BCORL1: variants seen among roughly 807,000 people sequenced by gnomAD.
BCORL1 encodes BCL-6 corepressor-like protein 1.
A neutral mutation model predicts 87.6 loss-of-function variants in BCORL1; 7 were observed. The observed-to-expected ratio is 0.08, with a 90% CI of 0.05 to 0.15. The LOEUF (loss-of-function observed/expected upper bound fraction) is 0.15, where lower values mean the gene tolerates loss of function less well. Ranked by LOEUF, BCORL1 falls within the 10% of genes least tolerant of loss-of-function variation. BCORL1 has a pLI of 1.00. For synonymous variants in BCORL1, 591 were observed against 634.4 expected (o/e 0.93, Z 1.03); for missense variants, 1,215 against 1,499.7 (o/e 0.81, Z 3.13).
At chrX:129,995,945 T>A in intron 1 of BCORL1, among the ~76,000 whole-genome samples, 1 of 111,627 alleles carries the variant, frequency 9.0e-6, no homozygotes. Context: ...TGTGTACATT[T>A]TCCTATGGAA....
At chrX:130,003,944 T>C (rs1928268904) in intron 1 of BCORL1, among the ~76,000 whole-genome samples, 2 of 111,948 alleles carry the variant, frequency 1.8e-5, no homozygotes, top group South Asian at 7.3e-4. Flanking sequence ...CGTACAACTA[T>C]ATCTTATTGT....
At position 129,986,523 on chromosome X, in the gene BCORL1, A is replaced by T. The variant is rs1926633721; in HGVS notation, c.-45+3761A>T. On this transcript the variant is annotated intron_variant, in intron 1 of 13. Transcript: ENST00000540052. ...GCTTCATTTATGATGCAGTTCATGA[A>T]ATAGAAAAAAATGGGCCGGGTGCAG... Among the ~76,000 whole-genome samples, 6 of 112,276 alleles carry T rather than the reference A, an allele frequency of 5.3e-5. No homozygotes were observed. The South Asian group carries it at 1.8e-3, about 34-fold the overall frequency.
At chrX:130,055,622 A>G (rs1272592215) in intron 13 of BCORL1, among the ~76,000 whole-genome samples, 1 of 112,834 alleles carries the variant, frequency 8.9e-6, no homozygotes, top group Non-Finnish European at 1.9e-5. Context: ...CGTGCTCACC[A>G]TTTAGCTGAA....
intron 5 of BCORL1, among the ~76,000 whole-genome samples, 187 bp from the exon 6 acceptor site, chrX:130,022,710 T>C (rs1420909332): frequency 8.9e-6 from 1 of 112,308 alleles, no homozygotes; most frequent in Non-Finnish European, 1.9e-5. Context: ...GAAACACTCA[T>C]TGTCTACAAG....
At chrX:130,026,193 C>G (rs1930234186) in intron 7 of BCORL1, among the ~76,000 whole-genome samples, 1 of 112,010 alleles carries the variant, frequency 8.9e-6, no homozygotes, top group African/African-American at 3.2e-5. Context: ...TGACCTCTAC[C>G]CTGGAAGCAG....
Position 130,034,451 on chromosome X carries a change from C to T in BCORL1, c.4306-4C>T, listed in dbSNP as rs183320708. The T allele has an allele frequency of 7.9e-4, 777 of 980,164 alleles. No homozygotes were observed. The highest frequency in any genetic ancestry group is 1.0e-3 in the Non-Finnish European group (753 of 754,927). 80.8% of individuals were successfully genotyped at this position (980,164 alleles called of 1,213,427 possible). ...TGACCTAGGACTGCATCTCTGCTTT[C>T]CAGGGCAAAGGTCGTTGGAGCCAGC... On this transcript the variant is annotated splice_polypyrimidine_tract_variant and splice_region_variant and intron_variant, in intron 8 of 13. Transcript: ENST00000540052.
rs1476942233 is a variant in BCORL1, at chrX:130,021,081, C to T, written c.3538C>T (p.His1180Tyr). 6.7e-6 allele frequency: 8 copies of T among 1,201,002 alleles called. No homozygotes were observed. The highest frequency in any genetic ancestry group is 2.3e-4 in the Middle Eastern group (1 of 4,316). Residue 1180 changes from histidine to tyrosine, a missense_variant, in exon 5 of 14, where the codon CAC (histidine) becomes TAC (tyrosine). Coordinates refer to ENST00000540052, the MANE Select transcript of BCORL1 (RefSeq NM_001379451.1). The part of the protein sequence containing the change: ...GKEHNGVRGK[H>Y]KHRKPTKPES... Reference sequence around the variant, plus strand: ...AGAGCACAATGGAGTCAGGGGAAAGCACAAGCACCGGAAGCCGACAAAGCC... The same window carrying T: ...AGAGCACAATGGAGTCAGGGGAAAGTACAAGCACCGGAAGCCGACAAAGCC...
At position 130,025,302 on chromosome X, in the gene BCORL1, G is replaced by C. The variant is rs143797443; in HGVS notation, c.4001G>C (p.Arg1334Pro). 8.3e-7 allele frequency: 1 copy of C among 1,198,198 alleles called. No homozygotes were observed. The highest frequency in any genetic ancestry group is 1.1e-6 in the Non-Finnish European group (1 of 889,796). The change falls in exon 7 of 14, where the codon CGG (arginine) becomes CCG (proline). Residue 1334 changes from arginine to proline, a missense_variant. Arg to Pro is a moderately radical substitution (Grantham distance 103, BLOSUM62 -2). Coordinates refer to ENST00000540052, the MANE Select transcript of BCORL1 (RefSeq NM_001379451.1). ...EGLLKRKKRR[R>P]QKSRKYQTGE... ...CTGCTGAAGAGGAAGAAACGAAGACGGCAGAAGAGCCGAAAATATCAGACT... is the reference window on the plus strand; with the variant it reads ...CTGCTGAAGAGGAAGAAACGAAGACCGCAGAAGAGCCGAAAATATCAGACT...
At chrX:129,983,046 C>T (rs1337820520) in intron 1 of BCORL1, among the ~76,000 whole-genome samples, 1 of 110,053 alleles carries the variant, frequency 9.1e-6, no homozygotes, top group Non-Finnish European at 1.9e-5. Context: ...GGGGCGCCGT[C>T]CTCTTCGTGT....
At position 130,036,262 on chromosome X, in the gene BCORL1, C is replaced by CT. The variant is rs747499783; in HGVS notation, c.4528-1090dup. Among the ~76,000 whole-genome samples, 730 of 101,700 alleles carry CT rather than the reference C, an allele frequency of 7.2e-3. 3 individuals are homozygous for CT. The highest frequency in any genetic ancestry group is 0.013 in the African/African-American group (358 of 28,233). The allele number at this position is 101,700 out of a possible 115,157, so 88.3% of individuals were successfully genotyped here. A position where few individuals can be genotyped will look rare whatever the true frequency, so the allele number is the denominator to read the frequency against. On this transcript the variant is annotated intron_variant, in intron 9 of 13. Coordinates refer to ENST00000540052, the MANE Select transcript of BCORL1 (RefSeq NM_001379451.1). ...GGATGAATGGCAGTATTGGATTATC[C>CT]TTTTTTTTTTTTTTTGGAGATGGAG...
intron 11 of BCORL1, among the ~76,000 whole-genome samples, chrX:130,048,387 G>A (rs1395751049): frequency 1.8e-5 from 2 of 111,912 alleles, no homozygotes; most frequent in Non-Finnish European, 3.8e-5. Flanking sequence ...TCACCTGAGG[G>A]CTGGTGGCAA....
intron 1 of BCORL1, among the ~76,000 whole-genome samples, chrX:129,994,061 C>T (rs757828693): frequency 1.8e-5 from 2 of 112,937 alleles, no homozygotes; most frequent in Non-Finnish European, 3.7e-5. Flanking sequence ...GCTGGGATTA[C>T]AGGCGTGAGC....
intron 8 of BCORL1, among the ~76,000 whole-genome samples, chrX:130,032,471 C>T (rs905433248): frequency 8.9e-6 from 1 of 112,144 alleles, no homozygotes; most frequent in Non-Finnish European, 1.9e-5. Context: ...CTTTTAGGCC[C>T]TAGCCTCAGA....
At chrX:130,024,034 G>C (rs1200653392) in intron 6 of BCORL1, among the ~76,000 whole-genome samples, 1 of 112,332 alleles carries the variant, frequency 8.9e-6, no homozygotes, top group African/African-American at 3.2e-5. Flanking sequence ...GCTGGGCCTT[G>C]GGAGAAAGAT....
chrX:129,989,077 A>G (rs1468640636), intron 1 of BCORL1, among the ~76,000 whole-genome samples: 1 of 111,388 alleles, frequency 9.0e-6, no homozygotes, highest in Non-Finnish European at 1.9e-5. Flanking sequence ...CGACAACCTC[A>G]GGTTAGAGTG....
intron 8 of BCORL1, among the ~76,000 whole-genome samples, chrX:130,033,208 A>G (rs895489676): frequency 6.4e-5 from 7 of 108,952 alleles, no homozygotes. Flanking sequence ...CAGCCTCCTG[A>G]GTAGCTGGAA....
At chrX:130,033,580 GAGTATGATATGGGGACAC>G (rs1930756255) in intron 8 of BCORL1, among the ~76,000 whole-genome samples, 1 of 112,409 alleles carries the variant, frequency 8.9e-6, no homozygotes, top group Non-Finnish European at 1.9e-5. Context: ...AGGGGAGTCT[GAGTATGATATGGGGACAC>G]AGTGTGATGG....
intron 13 of BCORL1, 54 bp from the exon 14 acceptor site, chrX:130,055,800 G>T: frequency 8.8e-7 from 1 of 1,133,956 alleles, no homozygotes; most frequent in Non-Finnish European, 1.2e-6. Flanking sequence ...CTGGGTCGGT[G>T]CCCCCACCGC....
chrX:129,984,434 T>C (rs766262293), intron 1 of BCORL1, among the ~76,000 whole-genome samples: 98 of 106,737 alleles, frequency 9.2e-4, no homozygotes, highest in African/African-American at 3.2e-3. Context: ...GACGAGGTGC[T>C]GGGAGAAGGA....
Sources: gnomAD v4.1 joint callset for allele counts (sites outside exome capture counted in the v4.1 genomes callset) on GRCh38, gnomAD v4.1.1 for gene constraint, MANE v1.5 for transcripts, NCBI Gene and HGNC (gene_info 2026-07-23, HGNC 2026-07-21) for gene names.